CSMD3: variants seen among roughly 807,000 people sequenced by gnomAD.
CSMD3 encodes CUB and sushi domain-containing protein 3.
In CSMD3, 177 loss-of-function variants were observed where a neutral mutation model predicts 435.2. The ratio of observed to expected loss-of-function variants is 0.41; its 90% CI spans 0.36 to 0.46. The LOEUF (loss-of-function observed/expected upper bound fraction) is 0.46. CSMD3 is among the 20% of genes least tolerant of loss of function. CSMD3 has a pLI of 0.34. For synonymous variants in CSMD3, 1,656 were observed against 1,520.5 expected (o/e 1.09, Z -2.07); for missense variants, 4,265 against 4,504.6 (o/e 0.95, Z 1.52).
chr8:113,300,909 A>G (rs2093760934), intron 2 of CSMD3, among the ~76,000 whole-genome samples: 1 of 152,150 alleles, frequency 6.6e-6, no homozygotes, highest in African/African-American at 2.4e-5. Flanking sequence ...ATGAGTGAAA[A>G]TGAACTACAG....
At chr8:112,450,742 A>G (rs1816166825) in intron 32 of CSMD3, among the ~76,000 whole-genome samples, 1 of 152,224 alleles carries the variant, frequency 6.6e-6, no homozygotes, top group Non-Finnish European at 1.5e-5. Flanking sequence ...TCTAAATGCC[A>G]TAAGCTTTGT....
intron 5 of CSMD3, among the ~76,000 whole-genome samples, chr8:113,049,971 A>G (rs893038185): frequency 1.3e-5 from 2 of 152,130 alleles, no homozygotes; most frequent in Non-Finnish European, 2.9e-5. Flanking sequence ...AAATCTCTCA[A>G]TGGCCAAAAT....
At chr8:113,040,758 G>A (rs1319613217) in intron 5 of CSMD3, among the ~76,000 whole-genome samples, 3 of 152,034 alleles carry the variant, frequency 2.0e-5, no homozygotes, top group Non-Finnish European at 4.4e-5. Flanking sequence ...AAATACACAG[G>A]TGGCTAAAGG....
intron 32 of CSMD3, among the ~76,000 whole-genome samples, chr8:112,470,829 T>C (rs1818446862): frequency 6.6e-6 from 1 of 151,964 alleles, no homozygotes; most frequent in African/African-American, 2.4e-5. Flanking sequence ...TGAAGAATGA[T>C]GCAACATTTG....
chr8:113,153,094 AAG>A (rs1416863036), intron 4 of CSMD3, among the ~76,000 whole-genome samples: 2 of 92,248 alleles, frequency 2.2e-5, no homozygotes, highest in Non-Finnish European at 2.0e-5. Flanking sequence ...GAAAGAAAGA[AAG>A]AAAGAAAAGA....
chr8:113,328,735 CTT>C (rs71281211), intron 1 of CSMD3, among the ~76,000 whole-genome samples: 81 of 57,172 alleles, frequency 1.4e-3, no homozygotes, highest in Admixed American at 3.9e-3. Context: ...TCCTTCTTTT[CTT>C]TTTTTTTTTT....
chr8:112,432,045 A>G (rs916685753), intron 32 of CSMD3, among the ~76,000 whole-genome samples: 23 of 151,972 alleles, frequency 1.5e-4, no homozygotes, highest in Admixed American at 1.4e-3. Flanking sequence ...TCATCTTTTG[A>G]TTCTACATTA....
intron 38 of CSMD3, among the ~76,000 whole-genome samples, chr8:112,361,845 C>A (rs1827274903): frequency 6.6e-6 from 1 of 151,414 alleles, no homozygotes; most frequent in African/African-American, 2.4e-5. Flanking sequence ...AAAGTTAAAT[C>A]ATGTGTCTTT....
intron 13 of CSMD3, among the ~76,000 whole-genome samples, chr8:112,694,061 C>CT (rs141966679): frequency 0.78 from 117,521 of 151,120 alleles, 46,231 homozygotes; most frequent in African/African-American, 0.87. Context: ...TCATAGTCTT[C>CT]TTTTTTTCCA....
chr8:112,843,443 C>T (rs531762148), intron 11 of CSMD3, among the ~76,000 whole-genome samples: 17 of 151,886 alleles, frequency 1.1e-4, no homozygotes, highest in African/African-American at 4.1e-4. Flanking sequence ...ATGTCCACTC[C>T]CTAATCCAAA....
chr8:112,585,783 G>T (rs1377103328), intron 23 of CSMD3, among the ~76,000 whole-genome samples: 2 of 151,544 alleles, frequency 1.3e-5, no homozygotes, highest in East Asian at 3.9e-4. Flanking sequence ...TTAGCTTACA[G>T]ATCTTATCTA....
intron 12 of CSMD3, among the ~76,000 whole-genome samples, chr8:112,824,808 C>CTTAG (rs1428655433): frequency 6.6e-6 from 1 of 152,062 alleles, no homozygotes; most frequent in Non-Finnish European, 1.5e-5. Context: ...TATGGAGTAT[C>CTTAG]TTAGTGGTGT....
chr8:112,937,221 C>A (rs957777813), intron 9 of CSMD3, among the ~76,000 whole-genome samples: 3 of 151,966 alleles, frequency 2.0e-5, no homozygotes, highest in African/African-American at 7.3e-5. Context: ...TATATTTATA[C>A]AACTTGAAAT....
chr8:112,820,480 C>A (rs547415562), intron 12 of CSMD3, among the ~76,000 whole-genome samples: 2 of 151,926 alleles, frequency 1.3e-5, no homozygotes, highest in African/African-American at 4.8e-5. Flanking sequence ...ACGGCTAAAT[C>A]TGAATTTCTC....
intron 3 of CSMD3, among the ~76,000 whole-genome samples, chr8:113,267,405 T>C (rs1288037722): frequency 6.6e-6 from 1 of 151,180 alleles, no homozygotes; most frequent in East Asian, 1.9e-4. Context: ...TGGAATACTA[T>C]TTGACCATAA....
At chr8:112,542,769 C>A (rs1227057123) in intron 27 of CSMD3, among the ~76,000 whole-genome samples, 1 of 151,834 alleles carries the variant, frequency 6.6e-6, no homozygotes, top group Admixed American at 6.6e-5. Context: ...ATCAGTTTTG[C>A]AAAAGAATAA....
At chr8:112,868,504 C>T (rs2081046712) in intron 10 of CSMD3, among the ~76,000 whole-genome samples, 3 of 152,056 alleles carry the variant, frequency 2.0e-5, no homozygotes, top group South Asian at 4.2e-4. Flanking sequence ...ACATGAGTAA[C>T]ATGTTGTATT....
Position 113,081,557 on chromosome 8 carries a change from T to C in CSMD3, c.917+17199A>G, listed in dbSNP as rs1294245043. Among the ~76,000 whole-genome samples, 4 of 152,142 alleles carry C rather than the reference T, an allele frequency of 2.6e-5. No individual in the cohort carries two copies. In the East Asian group the frequency reaches 5.8e-4, roughly 22 times the overall value. ...AGTATAGGGAGTTACCTGGAGTCTC[T>C]TGTGACTGCGTTGTTCCAGAGAGTT... On this transcript the variant is annotated intron_variant, in intron 5 of 70. Coordinates refer to ENST00000297405, the MANE Select transcript of CSMD3 (RefSeq NM_198123.2).
chr8:112,550,346 A>G (rs949861648), intron 27 of CSMD3, among the ~76,000 whole-genome samples: 1 of 152,018 alleles, frequency 6.6e-6, no homozygotes, highest in African/African-American at 2.4e-5. Flanking sequence ...TTCATATTTT[A>G]AAACTTCTAC....
Sources: gnomAD v4.1 joint callset for allele counts (sites outside exome capture counted in the v4.1 genomes callset) on GRCh38, gnomAD v4.1.1 for gene constraint, MANE v1.5 for transcripts, NCBI Gene and HGNC (gene_info 2026-07-23, HGNC 2026-07-21) for gene names.